The following GSTO2 variants were observed in gnomAD, a reference collection of about 807,000 sequenced individuals.
GSTO2 encodes glutathione S-transferase omega-2.
In GSTO2, 23 loss-of-function variants were observed where a neutral mutation model predicts 28.4. The ratio of observed to expected loss-of-function variants is 0.81; its 90% confidence interval spans 0.58 to 1.15. The LOEUF is 1.15. GSTO2 is among the 50% of genes most tolerant of loss of function. The probability of loss-of-function intolerance (pLI) is 0.00; values close to 1 mark genes in which losing one functional copy is unlikely to be tolerated. For synonymous variants in GSTO2, 109 were observed against 111.0 expected (o/e 0.98, Z 0.11); for missense variants, 298 against 297.8 (o/e 1.00, Z 0.00).
At position 104,303,562 on chromosome 10, in the gene GSTO2, A is replaced by G. The variant is rs574688067; in HGVS notation, c.*4278A>G. 1.1e-4 allele frequency: 16 copies of G among 152,372 alleles called. No homozygotes were observed. Among genetic ancestry groups the G allele is most frequent in the African/African-American group, 3.8e-4 (16 of 41,588 alleles). 9.4% of individuals were successfully genotyped at this position (152,372 alleles called of 1,614,324 possible). A position where few individuals can be genotyped will look rare whatever the true frequency, so the allele number is the denominator to read the frequency against. On this transcript the variant is annotated 3_prime_UTR_variant, in exon 7 of 7. Coordinates refer to ENST00000338595, the MANE Select transcript of GSTO2 (RefSeq NM_183239.2). ...AAGAAATTATGTTAAGTTGGAACTT[A>G]TATTTACAGGGGAAGCAGAGCGTAA...
chr10:104,296,075 A>T (rs1346338658), intron 5 of GSTO2: 3 of 152,216 alleles, frequency 2.0e-5, no homozygotes, highest in Admixed American at 6.5e-5. Flanking sequence ...CTTTGGGAAG[A>T]CCTGTACCAA....
In GSTO2 at chr10:104,278,084, C is replaced by T. The variant is rs376506016; in HGVS notation, c.334C>T (p.Arg112Cys). ...LFPYDPYERA[R>C]QKMLLELFCK... is the part of the protein sequence containing the mutation. ...TCCATATGACCCTTATGAACGAGCTCGCCAAAAGATGTTATTGGAGCTATT... is the reference window on the plus strand; with the variant it reads ...TCCATATGACCCTTATGAACGAGCTTGCCAAAAGATGTTATTGGAGCTATT... The change falls in exon 4 of 7, where the codon CGC (arginine) becomes TGC (cysteine). Residue 112 changes from arginine to cysteine, a missense_variant. Arg to Cys is a radical substitution (Grantham distance 180). Coordinates refer to ENST00000338595, the MANE Select transcript of GSTO2 (RefSeq NM_183239.2). The T allele has an allele frequency of 1.2e-5, 20 of 1,613,858 alleles. No individual in the cohort carries two copies. The highest frequency in any genetic ancestry group is 4.5e-5 in the East Asian group (2 of 44,890).
intron 5 of GSTO2, among the ~76,000 whole-genome samples, chr10:104,285,207 G>A (rs2012346734): frequency 6.6e-6 from 1 of 152,142 alleles, no homozygotes; most frequent in Non-Finnish European, 1.5e-5. Flanking sequence ...AGGAGCATCT[G>A]TAGTTAAATA....
At chr10:104,273,409 T>G (rs560569048) in intron 1 of GSTO2, among the ~76,000 whole-genome samples, 50 of 152,362 alleles carry the variant, frequency 3.3e-4, no homozygotes, top group African/African-American at 1.2e-3. Flanking sequence ...CTAAGCTTAT[T>G]TCACATGAAA....
At chr10:104,297,707 G>T in intron 6 of GSTO2, 23 bp downstream of exon 6, 2 of 1,530,306 alleles carry the variant, frequency 1.3e-6, no homozygotes, top group Non-Finnish European at 1.8e-6. Context: ...ACATTGTGGT[G>T]TTAAATTCCC....
At chr10:104,277,414 G>A (rs902756464) in intron 3 of GSTO2, among the ~76,000 whole-genome samples, 2 of 151,998 alleles carry the variant, frequency 1.3e-5, no homozygotes, top group Admixed American at 6.6e-5. Flanking sequence ...CTCCCAAGTA[G>A]CTGGGGTTAC....
intron 2 of GSTO2, 67 bp downstream of exon 2, chr10:104,275,016 A>T: frequency 1.3e-6 from 2 of 1,551,420 alleles, no homozygotes; most frequent in Non-Finnish European, 1.7e-6. Context: ...GCTTCGGCGG[A>T]GCTGCCTGGC....
intron 5 of GSTO2, among the ~76,000 whole-genome samples, chr10:104,292,466 C>CTTT (rs879585556): frequency 7.0e-6 from 1 of 142,982 alleles, no homozygotes; most frequent in African/African-American, 2.6e-5. Context: ...CCACCAATAT[C>CTTT]TTTTTTTTTT....
At chr10:104,289,058 C>T (rs1411689044) in intron 5 of GSTO2, among the ~76,000 whole-genome samples, 5 of 152,082 alleles carry the variant, frequency 3.3e-5, no homozygotes, top group African/African-American at 1.2e-4. Context: ...CCTAGCTTTT[C>T]CCCCCACACT....
chr10:104,279,331 C>G (rs2011865451), intron 4 of GSTO2, 39 bp from the exon 5 acceptor site: 1 of 1,549,776 alleles, frequency 6.5e-7, no homozygotes, highest in Non-Finnish European at 8.9e-7. Context: ...TGGAAGTTTC[C>G]ACAGACTTCT....
chr10:104,286,670 T>C (rs2012447860), intron 5 of GSTO2, among the ~76,000 whole-genome samples: 1 of 152,230 alleles, frequency 6.6e-6, no homozygotes, highest in Admixed American at 6.5e-5. Flanking sequence ...GGATGCCTCG[T>C]TAAGTGTATT....
intron 5 of GSTO2, among the ~76,000 whole-genome samples, chr10:104,292,656 A>G (rs1036958154): frequency 7.3e-5 from 11 of 151,652 alleles, no homozygotes; most frequent in African/African-American, 2.7e-4. Context: ...GGGTTTTGCT[A>G]TGTTGCCCAC....
At chr10:104,278,571 A>G (rs2011792359) in intron 4 of GSTO2, among the ~76,000 whole-genome samples, 1 of 152,058 alleles carries the variant, frequency 6.6e-6, no homozygotes, top group East Asian at 1.9e-4. Flanking sequence ...AACCTCTGCC[A>G]CCTGGGTTTA....
intron 5 of GSTO2, among the ~76,000 whole-genome samples, chr10:104,283,977 A>G (rs1380192853): frequency 6.7e-6 from 1 of 148,412 alleles, no homozygotes; most frequent in South Asian, 2.1e-4. Context: ...AAACTCTGAC[A>G]CTTTCTTCTT....
intron 5 of GSTO2, chr10:104,288,356 G>C (rs1157126782): frequency 6.6e-6 from 1 of 152,132 alleles, no homozygotes; most frequent in Non-Finnish European, 1.5e-5. Flanking sequence ...CTCTATTTTA[G>C]AATATGTTCT....
rs370448938 is a variant in GSTO2, at chr10:104,297,622, A to G, written c.513A>G (p.Ile171Met). ...QNTTFFGGTC[I>M]SMIDYLLWPW... is the part of the protein sequence containing the mutation. ...CCACCTTCTTTGGTGGAACCTGTAT[A>G]TCCATGATTGATTACCTCCTCTGGC... The change falls in exon 6 of 7, where the codon ATA (isoleucine) becomes ATG (methionine). Residue 171 changes from isoleucine to methionine, a missense_variant. Ile to Met is a conservative substitution (Grantham distance 10). Coordinates refer to ENST00000338595, the MANE Select transcript of GSTO2 (RefSeq NM_183239.2). 3.7e-6 allele frequency: 6 copies of G among 1,613,896 alleles called. No homozygotes were observed. Among genetic ancestry groups the G allele is most frequent in the Non-Finnish European group, 5.1e-6 (6 of 1,179,820 alleles).
intron 3 of GSTO2, among the ~76,000 whole-genome samples, chr10:104,276,286 T>C (rs1488751729): frequency 1.3e-5 from 2 of 152,268 alleles, no homozygotes; most frequent in Non-Finnish European, 2.9e-5. Context: ...CAAATTAAGC[T>C]GACCTTAAGG....
At position 104,299,254 on chromosome 10, in the gene GSTO2, C is replaced by A; in HGVS notation, c.702C>A (p.Asn234Lys). The A allele has an allele frequency of 6.2e-7, 1 of 1,614,138 alleles. No individual in the cohort carries two copies. Among genetic ancestry groups the A allele is most frequent in the Non-Finnish European group, 8.5e-7 (1 of 1,180,028 alleles). ...TCTTGAATCTCTATTTTCAGAACAA[C>A]CCTAATGCCTTTGACTTTGGGCTGT... Reference protein sequence around the residue: ...QGFLNLYFQNNPNAFDFGLC With the variant: ...QGFLNLYFQNKPNAFDFGLC The change falls in exon 7 of 7, where the codon AAC becomes AAA. Residue 234 changes from asparagine (N) to lysine (K), a missense_variant. Coordinates refer to ENST00000338595, the MANE Select transcript of GSTO2 (RefSeq NM_183239.2).
In GSTO2 at chr10:104,274,913, A is replaced by G. The variant is rs371982182; in HGVS notation, c.-3A>G. On this transcript the variant is annotated 5_prime_UTR_variant, in exon 2 of 7. Coordinates refer to ENST00000338595, the MANE Select transcript of GSTO2 (RefSeq NM_183239.2). Reference sequence around the variant, plus strand: ...CGGGAGCTGCGCAAACCACCTGGAGACCATGTCTGGGGATGCGACCAGGAC... The same window carrying G: ...CGGGAGCTGCGCAAACCACCTGGAGGCCATGTCTGGGGATGCGACCAGGAC... The G allele has an allele frequency of 7.6e-5, 122 of 1,609,756 alleles. 1 individual carries two copies. The South Asian group carries it at 1.3e-3, about 17-fold the overall frequency.
Sources: allele counts gnomAD v4.1 joint callset (sites outside exome capture counted in the v4.1 genomes callset), GRCh38; gene constraint gnomAD v4.1.1; transcripts MANE v1.5; gene names NCBI Gene and HGNC (gene_info 2026-07-23, HGNC 2026-07-21).